Variants in ZMAT4 observed in about 807,000 individuals in gnomAD.
ZMAT4 encodes zinc finger matrin-type 4.
In ZMAT4, 17 loss-of-function variants were observed where a neutral mutation model predicts 28.7. The ratio of observed to expected loss-of-function variants is 0.59; its 90% CI spans 0.41 to 0.89. ZMAT4 has a LOEUF of 0.89. Among genes scored for constraint, ZMAT4 ranks in the 40% least tolerant of loss-of-function variants. The probability of loss-of-function intolerance (pLI) is 0.00; values close to 1 mark genes in which losing one functional copy is unlikely to be tolerated. For missense variants in ZMAT4, 240 were observed against 283.8 expected (o/e 0.85, Z 1.11); for synonymous variants, 117 against 109.2 (o/e 1.07, Z -0.44).
chr8:40,610,757 T>C (rs1040404612), intron 5 of ZMAT4, among the ~76,000 whole-genome samples: 2 of 151,994 alleles, frequency 1.3e-5, no homozygotes, highest in South Asian at 4.2e-4. Context: ...TGATGCCTCA[T>C]GCCCTCTTGA....
intron 6 of ZMAT4, among the ~76,000 whole-genome samples, chr8:40,560,592 C>A (rs1037873342): frequency 4.6e-5 from 7 of 151,884 alleles, no homozygotes; most frequent in African/African-American, 1.7e-4. Context: ...CAAACTCCGG[C>A]AAAATAAAGA....
intron 4 of ZMAT4, among the ~76,000 whole-genome samples, chr8:40,686,479 T>G (rs1809412493): frequency 6.6e-6 from 1 of 151,404 alleles, no homozygotes; most frequent in Non-Finnish European, 1.5e-5. Flanking sequence ...GAAAAAAAAT[T>G]GAAAATTAGC....
chr8:40,785,450 G>T (rs1042204625), intron 2 of ZMAT4, among the ~76,000 whole-genome samples: 2 of 152,248 alleles, frequency 1.3e-5, no homozygotes, highest in Middle Eastern at 6.8e-3. Flanking sequence ...TCCAAAAAAC[G>T]CTCCTTGGTT....
At chr8:40,587,015 A>G (rs1804691520) in intron 5 of ZMAT4, among the ~76,000 whole-genome samples, 1 of 151,980 alleles carries the variant, frequency 6.6e-6, no homozygotes, top group African/African-American at 2.4e-5. Flanking sequence ...TGAGACGTGA[A>G]GAGGAGGGTA....
At chr8:40,699,082 G>A (rs1430775370) in intron 3 of ZMAT4, among the ~76,000 whole-genome samples, 1 of 152,156 alleles carries the variant, frequency 6.6e-6, no homozygotes. Context: ...TGGAGGTAAG[G>A]GGCAGGGTTG....
chr8:40,844,973 C>G (rs1314034219), intron 1 of ZMAT4, among the ~76,000 whole-genome samples: 1 of 152,108 alleles, frequency 6.6e-6, no homozygotes, highest in Non-Finnish European at 1.5e-5. Context: ...CAAGGATGGT[C>G]CACTGGGTGA....
At chr8:40,612,947 G>A (rs1210565907) in intron 5 of ZMAT4, among the ~76,000 whole-genome samples, 10 of 151,536 alleles carry the variant, frequency 6.6e-5, no homozygotes, top group Non-Finnish European at 1.2e-4. Context: ...TAAGTAGCTG[G>A]GATTACAGGT....
At position 40,773,524 on chromosome 8, in the gene ZMAT4, G is replaced by A. The variant is rs1049673569; in HGVS notation, c.103-5794C>T. On this transcript the variant is annotated intron_variant, in intron 2 of 6. Coordinates refer to ENST00000297737, the MANE Select transcript of ZMAT4 (RefSeq NM_024645.3). ...GTGGCATCTATAAAAAAAAAACTGT[G>A]AAAAAAATATGAAAGAAGGTTTTGA... Among the ~76,000 whole-genome samples, 5 of 151,392 alleles carry A rather than the reference G, an allele frequency of 3.3e-5. No homozygotes were observed. The South Asian group carries it at 1.0e-3, about 32-fold the overall frequency.
chr8:40,658,886 C>A (rs1426689452), intron 5 of ZMAT4, among the ~76,000 whole-genome samples: 1 of 152,106 alleles, frequency 6.6e-6, no homozygotes, highest in Non-Finnish European at 1.5e-5. Flanking sequence ...AAATGTTCAC[C>A]TCCCTCCAGT....
intron 5 of ZMAT4, among the ~76,000 whole-genome samples, chr8:40,622,548 T>C (rs983490414): frequency 1.3e-5 from 2 of 152,238 alleles, no homozygotes; most frequent in Admixed American, 1.3e-4. Context: ...GAGGGGATTA[T>C]CTTTGTTTGT....
intron 4 of ZMAT4, chr8:40,691,050 C>T: frequency 3.0e-6 from 1 of 331,352 alleles, no homozygotes; most frequent in Non-Finnish European, 4.3e-6. Flanking sequence ...ATTCAGTAGA[C>T]CAGCAAATAC....
chr8:40,846,300 C>G (rs1362070664), intron 1 of ZMAT4, among the ~76,000 whole-genome samples: 1 of 152,198 alleles, frequency 6.6e-6, no homozygotes, highest in African/African-American at 2.4e-5. Flanking sequence ...CCACTCAACC[C>G]AATCCCCAGC....
At chr8:40,725,769 C>CA (rs879515160) in intron 3 of ZMAT4, among the ~76,000 whole-genome samples, 4 of 150,470 alleles carry the variant, frequency 2.7e-5, no homozygotes, top group East Asian at 1.9e-4. Context: ...GACTCTGCCT[C>CA]AAAAAAAAGA....
At chr8:40,814,974 T>C (rs1380488682) in intron 2 of ZMAT4, among the ~76,000 whole-genome samples, 1 of 152,212 alleles carries the variant, frequency 6.6e-6, no homozygotes, top group African/African-American at 2.4e-5. Flanking sequence ...GTGATACATA[T>C]TTAAAATAAA....
At chr8:40,617,523 C>T (rs1035773893) in intron 5 of ZMAT4, among the ~76,000 whole-genome samples, 12 of 152,120 alleles carry the variant, frequency 7.9e-5, no homozygotes, top group African/African-American at 2.4e-4. Flanking sequence ...AATGCTGAAA[C>T]GCTATGCAAG....
At chr8:40,730,989 G>A (rs1035464088) in intron 3 of ZMAT4, among the ~76,000 whole-genome samples, 2 of 152,164 alleles carry the variant, frequency 1.3e-5, no homozygotes, top group Non-Finnish European at 2.9e-5. Flanking sequence ...AGGATACTGT[G>A]TATGGGTTCC....
At chr8:40,830,715 A>C (rs890485018) in intron 1 of ZMAT4, among the ~76,000 whole-genome samples, 1 of 152,222 alleles carries the variant, frequency 6.6e-6, no homozygotes, top group African/African-American at 2.4e-5. Flanking sequence ...AATATTCTTC[A>C]TTCCATTCCA....
chr8:40,622,791 C>G (rs1223662775), intron 5 of ZMAT4, among the ~76,000 whole-genome samples: 1 of 152,120 alleles, frequency 6.6e-6, no homozygotes, highest in East Asian at 1.9e-4. Flanking sequence ...CTAACAAGAG[C>G]AAGACCTTAC....
At position 40,887,040 on chromosome 8, in the gene ZMAT4, G is replaced by A. The variant is rs371376006; in HGVS notation, c.-5+10643C>T. On this transcript the variant is annotated intron_variant, in intron 1 of 6. Coordinates refer to ENST00000297737, the MANE Select transcript of ZMAT4 (RefSeq NM_024645.3). Reference sequence around the variant, plus strand: ...CAAAAAATTAACCTGGCGTGGTGGCGGGCGCCTGTAGTCCCAGCTACTTGG... The same window carrying A: ...CAAAAAATTAACCTGGCGTGGTGGCAGGCGCCTGTAGTCCCAGCTACTTGG... 1.8e-4 allele frequency among the ~76,000 whole-genome samples: 27 copies of A among 151,972 alleles called. No individual in the cohort carries two copies. The East Asian group carries it at 3.3e-3, about 19-fold the overall frequency.
Sources: gnomAD v4.1 joint callset for allele counts (sites outside exome capture counted in the v4.1 genomes callset) on GRCh38, gnomAD v4.1.1 for gene constraint, MANE v1.5 for transcripts, NCBI Gene and HGNC (gene_info 2026-07-23, HGNC 2026-07-21) for gene names.